The following DLG2 variants were observed in gnomAD, a reference collection of about 807,000 sequenced individuals.
The protein encoded by DLG2 is disks large homolog 2.
A neutral mutation model predicts 132.5 loss-of-function variants in DLG2; 45 were observed. The ratio of observed to expected loss-of-function variants is 0.34; its 90% CI spans 0.27 to 0.44. The LOEUF (loss-of-function observed/expected upper bound fraction) is 0.44. Ranked by LOEUF, DLG2 falls within the 20% of genes least tolerant of loss-of-function variation. The probability of loss-of-function intolerance (pLI) is 1.00; values close to 1 mark genes in which losing one functional copy is unlikely to be tolerated. For synonymous variants in DLG2, 424 were observed against 419.6 expected (o/e 1.01, Z -0.13); for missense variants, 1,045 against 1,196.9 (o/e 0.87, Z 1.87).
At chr11:85,055,555 G>GA (rs1236887378) in intron 6 of DLG2, among the ~76,000 whole-genome samples, 1 of 152,142 alleles carries the variant, frequency 6.6e-6, no homozygotes, top group East Asian at 1.9e-4. Context: ...ATGGACTGGG[G>GA]AAACAAAAAT....
At chr11:84,089,255 T>C (rs1566436858) in intron 10 of DLG2, among the ~76,000 whole-genome samples, 1 of 152,202 alleles carries the variant, frequency 6.6e-6, no homozygotes, top group Admixed American at 6.5e-5. Flanking sequence ...CCCTTTCCTC[T>C]GTTTGGTGCT....
intron 7 of DLG2, among the ~76,000 whole-genome samples, chr11:84,350,178 C>CA (rs2098557025): frequency 1.4e-5 from 2 of 143,234 alleles, no homozygotes; most frequent in African/African-American, 5.3e-5. Flanking sequence ...ACTTCGTCCC[C>CA]CCCCCCAAAA....
chr11:85,052,023 C>T (rs2062948413), intron 6 of DLG2, among the ~76,000 whole-genome samples: 1 of 152,104 alleles, frequency 6.6e-6, no homozygotes, highest in South Asian at 2.1e-4. Flanking sequence ...TAGAAAGACA[C>T]TTCTCAGCAA....
chr11:85,507,871 G>A (rs1462734803), intron 3 of DLG2, among the ~76,000 whole-genome samples: 5 of 151,988 alleles, frequency 3.3e-5, no homozygotes, highest in African/African-American at 9.7e-5. Flanking sequence ...GTCTTTTCAT[G>A]TAGTCCCATA....
At chr11:85,247,462 C>A (rs1296124931) in intron 4 of DLG2, among the ~76,000 whole-genome samples, 1 of 151,998 alleles carries the variant, frequency 6.6e-6, no homozygotes, top group African/African-American at 2.4e-5. Flanking sequence ...ATTACAAGTC[C>A]TAAACCCTGA....
intron 6 of DLG2, among the ~76,000 whole-genome samples, chr11:84,593,851 G>A (rs2099549914): frequency 6.6e-6 from 1 of 152,102 alleles, no homozygotes; most frequent in African/African-American, 2.4e-5. Context: ...ATTATGTTAG[G>A]AAACATGCCC....
intron 18 of DLG2, among the ~76,000 whole-genome samples, chr11:83,718,107 T>C (rs1353815690): frequency 1.3e-5 from 2 of 152,152 alleles, no homozygotes; most frequent in Admixed American, 1.3e-4. Context: ...AGATTGGTCA[T>C]AAACAGTAAA....
intron 5 of DLG2, among the ~76,000 whole-genome samples, chr11:85,135,113 T>A (rs532228762): frequency 1.3e-5 from 2 of 152,350 alleles, no homozygotes; most frequent in African/African-American, 4.8e-5. Context: ...TATATCTTTA[T>A]GTACCAGCGT....
At chr11:84,375,054 G>A (rs1051394143) in intron 7 of DLG2, among the ~76,000 whole-genome samples, 12 of 152,034 alleles carry the variant, frequency 7.9e-5, no homozygotes, top group Non-Finnish European at 1.8e-4. Flanking sequence ...CAAATTTAAA[G>A]TTACTACCTC....
At chr11:83,584,227 C>G (rs1292010448) in intron 19 of DLG2, among the ~76,000 whole-genome samples, 1 of 152,158 alleles carries the variant, frequency 6.6e-6, no homozygotes, top group East Asian at 1.9e-4. Context: ...CACTATCTTA[C>G]TCATTTATTC....
chr11:84,901,852 T>C (rs534244615), intron 6 of DLG2, among the ~76,000 whole-genome samples: 1 of 152,190 alleles, frequency 6.6e-6, no homozygotes, highest in South Asian at 2.1e-4. Context: ...CCATTTCTAT[T>C]GTACCACACA....
intron 9 of DLG2, among the ~76,000 whole-genome samples, chr11:84,157,156 T>C (rs2095444435): frequency 6.6e-6 from 1 of 152,118 alleles, no homozygotes; most frequent in Non-Finnish European, 1.5e-5. Context: ...AATCTTATAG[T>C]TTAATTAAAT....
At chr11:85,308,312 A>AT (rs2080097932) in intron 3 of DLG2, among the ~76,000 whole-genome samples, 4 of 151,626 alleles carry the variant, frequency 2.6e-5, no homozygotes, top group African/African-American at 9.7e-5. Context: ...TATGCTAGTT[A>AT]TCCTATTTAC....
chr11:84,757,300 A>G (rs1011000421), intron 6 of DLG2, among the ~76,000 whole-genome samples: 2 of 152,208 alleles, frequency 1.3e-5, no homozygotes, highest in Admixed American at 6.5e-5. Flanking sequence ...TTTTGTTAAA[A>G]AAAAAAAGGA....
chr11:85,385,422 A>G (rs1031271688), intron 3 of DLG2, among the ~76,000 whole-genome samples: 1 of 152,142 alleles, frequency 6.6e-6, no homozygotes, highest in Non-Finnish European at 1.5e-5. Flanking sequence ...ATTTCTTCCC[A>G]AGTTTTATAA....
At chr11:83,908,182 C>A (rs1309205856) in intron 15 of DLG2, among the ~76,000 whole-genome samples, 3 of 152,124 alleles carry the variant, frequency 2.0e-5, no homozygotes, top group Non-Finnish European at 4.4e-5. Context: ...ATCTAAGTAT[C>A]CGTATACTTA....
intron 6 of DLG2, among the ~76,000 whole-genome samples, chr11:84,772,138 C>T (rs188559327): frequency 1.3e-5 from 2 of 150,610 alleles, no homozygotes; most frequent in Non-Finnish European, 1.5e-5. Context: ...GACTTTAAAC[C>T]AACAACAATA....
At chr11:85,100,227 A>G (rs2070656069) in intron 6 of DLG2, among the ~76,000 whole-genome samples, 1 of 152,132 alleles carries the variant, frequency 6.6e-6, no homozygotes, top group Non-Finnish European at 1.5e-5. Flanking sequence ...GAGAGGCAAC[A>G]TAGATTTTAA....
At chr11:85,479,898 CCTT>C (rs1274097935) in intron 3 of DLG2, among the ~76,000 whole-genome samples, 1 of 152,144 alleles carries the variant, frequency 6.6e-6, no homozygotes. Context: ...TCAAATTTCT[CCTT>C]CTTATAAGAA....
Sources: allele counts gnomAD v4.1 joint callset (sites outside exome capture counted in the v4.1 genomes callset), GRCh38; gene constraint gnomAD v4.1.1; transcripts MANE v1.5; gene names NCBI Gene and HGNC (gene_info 2026-07-23, HGNC 2026-07-21).